Variants in PCED1B observed in about 807,000 individuals in gnomAD.
PCED1B encodes the protein PC-esterase domain-containing protein 1B.
For missense variants in PCED1B, 573 were observed against 573.9 expected, an observed-to-expected ratio of 1.00 and a Z score of 0.02; for synonymous variants, 251 against 246.1, an observed-to-expected ratio of 1.02 and a Z score of -0.19.
chr12:47,133,789 A>G (rs983871419), intron 2 of PCED1B, among the ~76,000 whole-genome samples: 1 of 152,164 alleles, frequency 6.6e-6, no homozygotes, highest in East Asian at 1.9e-4. Flanking sequence ...TAAAAAGTTT[A>G]TATATTGAAA....
intron 2 of PCED1B, among the ~76,000 whole-genome samples, chr12:47,203,795 C>T (rs1017781855): frequency 1.3e-5 from 2 of 152,126 alleles, no homozygotes; most frequent in East Asian, 3.8e-4. Context: ...GTCTTTATAA[C>T]AAAATGATTT....
chr12:47,097,759 G>C lies in PCED1B; in HGVS notation c.-608-6354G>C, dbSNP rs562895267. Among the ~76,000 whole-genome samples the C allele has an allele frequency of 2.0e-5, 3 of 152,286 alleles. No homozygotes were observed. The South Asian group carries it at 6.2e-4, about 32-fold the overall frequency. ...TCTTCTAGCACAAGGCACGGAGTAG[G>C]TGCTTGCTACAGTTTTCGGATGAAT... is the stretch of plus-strand genomic sequence containing the variant. On this transcript the variant is annotated intron_variant, in intron 1 of 3. Coordinates refer to ENST00000546455, the MANE Select transcript of PCED1B (RefSeq NM_138371.3).
At chr12:47,157,107 G>A (rs1412247474) in intron 2 of PCED1B, among the ~76,000 whole-genome samples, 1 of 152,066 alleles carries the variant, frequency 6.6e-6, no homozygotes, top group Non-Finnish European at 1.5e-5. Flanking sequence ...GGTACACAGA[G>A]AGCATTTCCT....
intron 2 of PCED1B, among the ~76,000 whole-genome samples, chr12:47,160,482 T>C (rs1490770787): frequency 1.3e-5 from 2 of 151,648 alleles, no homozygotes; most frequent in Non-Finnish European, 2.9e-5. Context: ...TTTAAACAAA[T>C]ATTTTTGTAG....
rs543258437 is a variant in PCED1B at position 47,141,387 on chromosome 12, G to A, written c.-526+37192G>A. Among the ~76,000 whole-genome samples the A allele has an allele frequency of 2.8e-4, 43 of 152,252 alleles. 1 individual carries two copies. Among genetic ancestry groups the A allele is most frequent in the Admixed American group, 1.2e-3 (19 of 15,298 alleles). ...TGGTAGGCTCACCAACTGTGGTCCT[G>A]TGACAGTATCAGAAACATTCTGTTC... On this transcript the variant is annotated intron_variant, in intron 2 of 3. Transcript: ENST00000546455.
intron 2 of PCED1B, among the ~76,000 whole-genome samples, chr12:47,166,870 A>G (rs6582695): frequency 0.01 from 1,565 of 152,330 alleles, 7 homozygotes; most frequent in Non-Finnish European, 0.014. Context: ...TAACAAGAGA[A>G]AAAAACAGTT....
intron 2 of PCED1B, among the ~76,000 whole-genome samples, chr12:47,155,192 T>A (rs568241348): frequency 1.3e-5 from 2 of 152,238 alleles, no homozygotes; most frequent in Non-Finnish European, 2.9e-5. Context: ...TGGCTCCTTC[T>A]TTTATTTGTT....
In PCED1B at chr12:47,124,035, G is replaced by A. The variant is rs116596514; in HGVS notation, c.-526+19840G>A. Among the ~76,000 whole-genome samples the A allele has an allele frequency of 6.9e-3, 1,048 of 152,028 alleles. 8 individuals carry two copies. Among genetic ancestry groups the A allele is most frequent in the African/African-American group, 0.024 (999 of 41,510 alleles). ...TTAACAACTTCATTGATGTATAATT[G>A]ACATACAATCAACTGCACATAAAAT... On this transcript the variant is annotated intron_variant, in intron 2 of 3. Transcript: ENST00000546455.
At chr12:47,120,908 A>T (rs1200920398) in intron 2 of PCED1B, among the ~76,000 whole-genome samples, 1 of 152,196 alleles carries the variant, frequency 6.6e-6, no homozygotes, top group Non-Finnish European at 1.5e-5. Flanking sequence ...ATCACACATT[A>T]TATGATTCAA....
chr12:47,226,913 A>AT (rs528291164), intron 3 of PCED1B, among the ~76,000 whole-genome samples: 386 of 151,994 alleles, frequency 2.5e-3, no homozygotes, highest in South Asian at 7.3e-3. Context: ...TGCTATCGAC[A>AT]TTTTTTTTAA....
chr12:47,107,295 G>T (rs1938998011), intron 2 of PCED1B, among the ~76,000 whole-genome samples: 1 of 152,152 alleles, frequency 6.6e-6, no homozygotes, highest in Admixed American at 6.5e-5. Context: ...TGGGGTCAAA[G>T]TCTCTCCTGT....
intron 2 of PCED1B, among the ~76,000 whole-genome samples, chr12:47,188,551 A>T (rs2137643726): frequency 6.6e-6 from 1 of 152,212 alleles, no homozygotes; most frequent in East Asian, 1.9e-4. Context: ...TTTCTTAGGT[A>T]GTTTCAGGAC....
intron 2 of PCED1B, among the ~76,000 whole-genome samples, chr12:47,123,794 T>A (rs1939775536): frequency 1.3e-5 from 2 of 152,094 alleles, no homozygotes; most frequent in Admixed American, 1.3e-4. Flanking sequence ...ATCATGCTTA[T>A]CTACAATTTT....
At position 47,234,311 on chromosome 12, in the gene PCED1B, C is replaced by T. The variant is rs1943904402; in HGVS notation, c.-57-696C>T. 2.0e-5 allele frequency among the ~76,000 whole-genome samples: 3 copies of T among 152,156 alleles called. No individual in the cohort carries two copies. In the South Asian group the frequency reaches 6.2e-4, roughly 32 times the overall value. On this transcript the variant is annotated intron_variant, in intron 3 of 3. Coordinates refer to ENST00000546455, the MANE Select transcript of PCED1B (RefSeq NM_138371.3). ...GCCTGTTTTTATGCTCTTGAGCTAG[C>T]ACAGGTACTCTTTCTTTGTGTTACC...
chr12:47,100,636 G>A (rs923277233), intron 1 of PCED1B, among the ~76,000 whole-genome samples: 1 of 152,134 alleles, frequency 6.6e-6, no homozygotes, highest in African/African-American at 2.4e-5. Context: ...TTCCATACAG[G>A]AGGTAAATAT....
intron 1 of PCED1B, among the ~76,000 whole-genome samples, chr12:47,089,352 C>T (rs1476875624): frequency 6.7e-6 from 1 of 149,840 alleles, no homozygotes; most frequent in African/African-American, 2.5e-5. Context: ...GAGGCTGAGG[C>T]AGAAGAATGG....
At chr12:47,206,955 TC>T (rs1207991803) in intron 2 of PCED1B, among the ~76,000 whole-genome samples, 1 of 152,238 alleles carries the variant, frequency 6.6e-6, no homozygotes, top group East Asian at 1.9e-4. Context: ...AAATGGCTAT[TC>T]GAATGGCCAG....
intron 3 of PCED1B, among the ~76,000 whole-genome samples, chr12:47,220,810 A>T (rs1462656550): frequency 4.6e-5 from 7 of 152,208 alleles, no homozygotes; most frequent in Non-Finnish European, 1.0e-4. Flanking sequence ...AGGCTCTCTG[A>T]CAAAATTGTC....
At chr12:47,219,630 TAAG>T (rs1943411332) in intron 3 of PCED1B, among the ~76,000 whole-genome samples, 1 of 152,254 alleles carries the variant, frequency 6.6e-6, no homozygotes, top group African/African-American at 2.4e-5. Flanking sequence ...CATCGGCTTT[TAAG>T]AAGACTAGCT....
Sources: allele counts gnomAD v4.1 joint callset (sites outside exome capture counted in the v4.1 genomes callset), GRCh38; gene constraint gnomAD v4.1.1; transcripts MANE v1.5; gene names NCBI Gene and HGNC (gene_info 2026-07-23, HGNC 2026-07-21).